Variants in TMEM51 observed in about 807,000 individuals in gnomAD.
TMEM51 encodes transmembrane protein 51.
TMEM51 carries 8 observed loss-of-function variants against 13.6 expected under a neutral mutation model. The ratio of observed to expected loss-of-function variants is 0.59; its 90% CI spans 0.35 to 1.07. The LOEUF is 1.07. Ranked by LOEUF, TMEM51 falls within the 50% of genes least tolerant of loss-of-function variation. The probability of loss-of-function intolerance (pLI) is 0.02; values close to 1 mark genes in which losing one functional copy is unlikely to be tolerated. For missense variants in TMEM51, 279 were observed against 330.7 expected, an observed-to-expected ratio of 0.84 and a Z score of 1.21; for synonymous variants, 147 against 144.4, an observed-to-expected ratio of 1.02 and a Z score of -0.13.
chr1:15,168,078 C>T (rs545579476), intron 1 of TMEM51, among the ~76,000 whole-genome samples: 156 of 152,320 alleles, frequency 1.0e-3, no homozygotes, highest in African/African-American at 3.4e-3. Context: ...TAGAAATTGT[C>T]TCTGCATATA....
chr1:15,159,472 T>C (rs1642698283), intron 1 of TMEM51, among the ~76,000 whole-genome samples: 1 of 152,240 alleles, frequency 6.6e-6, no homozygotes, highest in African/African-American at 2.4e-5. Flanking sequence ...CAATTTATAT[T>C]GCTGAGATGC....
intron 1 of TMEM51, among the ~76,000 whole-genome samples, chr1:15,189,948 G>T (rs979013268): frequency 6.6e-6 from 1 of 152,240 alleles, no homozygotes; most frequent in Non-Finnish European, 1.5e-5. Flanking sequence ...TCCAAGGCAG[G>T]TTGCTTAAGA....
rs192494861 is a variant in TMEM51 at position 15,167,400 on chromosome 1, T to C, written c.-267+13446T>C. Among the ~76,000 whole-genome samples the C allele has an allele frequency of 1.1e-3, 162 of 150,696 alleles. 1 individual carries two copies. The highest frequency in any genetic ancestry group is 2.1e-3 in the Non-Finnish European group (139 of 67,730). ...CCCATACTGCATTTATTCCATGGTATGAATGTGCAGGACGACAGTTTACTT... is the reference window on the plus strand; with the variant it reads ...CCCATACTGCATTTATTCCATGGTACGAATGTGCAGGACGACAGTTTACTT... On this transcript the variant is annotated intron_variant, in intron 1 of 3. Transcript: ENST00000376008.
intron 1 of TMEM51, among the ~76,000 whole-genome samples, chr1:15,158,938 T>A (rs1642676941): frequency 1.3e-5 from 2 of 152,202 alleles, no homozygotes; most frequent in African/African-American, 4.8e-5. Context: ...AGTAAAACTT[T>A]CAGTTATCTG....
intron 1 of TMEM51, chr1:15,168,809 T>A: frequency 1.6e-6 from 2 of 1,282,324 alleles, no homozygotes; most frequent in South Asian, 2.6e-5. Context: ...TTTAGGGGAA[T>A]TCCTGGGAGT....
At chr1:15,202,207 C>A (rs975959178) in intron 1 of TMEM51, among the ~76,000 whole-genome samples, 1 of 152,168 alleles carries the variant, frequency 6.6e-6, no homozygotes, top group African/African-American at 2.4e-5. Flanking sequence ...TCCCTCCAAC[C>A]TGGCCACACG....
At chr1:15,158,263 T>C (rs1447874265) in intron 1 of TMEM51, among the ~76,000 whole-genome samples, 1 of 152,174 alleles carries the variant, frequency 6.6e-6, no homozygotes, top group African/African-American at 2.4e-5. Flanking sequence ...GCAAAGACGT[T>C]TCCAATTCAC....
At chr1:15,208,483 T>C (rs1168164666) in intron 1 of TMEM51, among the ~76,000 whole-genome samples, 1 of 151,858 alleles carries the variant, frequency 6.6e-6, no homozygotes, top group African/African-American at 2.4e-5. Flanking sequence ...ATTAAAACAT[T>C]AGCTGGGTGT....
rs1196393191 is a variant in TMEM51 at position 15,220,001 on chromosome 1, C to A, written c.*258C>A. Reference sequence around the variant, plus strand: ...GTGGACCACATTCAAGGGTGTGGCACAGGCATCTTCCCATCCTTTTCACTC... The same window carrying A: ...GTGGACCACATTCAAGGGTGTGGCAAAGGCATCTTCCCATCCTTTTCACTC... On this transcript the variant is annotated 3_prime_UTR_variant, in exon 4 of 4. Coordinates refer to ENST00000376008, the MANE Select transcript of TMEM51 (RefSeq NM_001136218.2). The A allele has an allele frequency of 8.1e-6, 4 of 494,510 alleles. No homozygotes were observed. Among genetic ancestry groups the A allele is most frequent in the African/African-American group, 5.7e-5 (3 of 52,544 alleles). 30.6% of individuals were successfully genotyped at this position (494,510 alleles called of 1,614,324 possible). A position where few individuals can be genotyped will look rare whatever the true frequency, so the allele number is the denominator to read the frequency against.
chr1:15,179,443 G>A, intron 1 of TMEM51, among the ~76,000 whole-genome samples: 1 of 152,176 alleles, frequency 6.6e-6, no homozygotes, highest in Middle Eastern at 3.2e-3. Context: ...CACCATGGGT[G>A]AGCAAAGGAA....
chr1:15,205,990 A>C (rs1249534086), intron 1 of TMEM51, among the ~76,000 whole-genome samples: 1 of 152,170 alleles, frequency 6.6e-6, no homozygotes, highest in Admixed American at 6.5e-5. Context: ...TAATCCCAGC[A>C]CTTTGGGAGG....
At chr1:15,186,298 C>T (rs902684567) in intron 1 of TMEM51, among the ~76,000 whole-genome samples, 1 of 152,194 alleles carries the variant, frequency 6.6e-6, no homozygotes, top group African/African-American at 2.4e-5. Flanking sequence ...ATCAAAATGG[C>T]AGCAGTGTGC....
At chr1:15,203,685 A>T (rs114809485) in intron 1 of TMEM51, among the ~76,000 whole-genome samples, 1 of 152,080 alleles carries the variant, frequency 6.6e-6, no homozygotes, top group Non-Finnish European at 1.5e-5. Flanking sequence ...GATTGTTTCT[A>T]TGTCCTCAGT....
chr1:15,171,587 G>A (rs1643276913), intron 1 of TMEM51, among the ~76,000 whole-genome samples: 1 of 152,146 alleles, frequency 6.6e-6, no homozygotes, highest in Admixed American at 6.5e-5. Flanking sequence ...CGAATGTGCT[G>A]GAACCCACGG....
chr1:15,154,429 C>G (rs1460746569), intron 1 of TMEM51, among the ~76,000 whole-genome samples: 1 of 152,174 alleles, frequency 6.6e-6, no homozygotes, highest in East Asian at 1.9e-4. Flanking sequence ...GTGTGTGTGT[C>G]GCTCTACAAG....
chr1:15,155,182 A>G (rs1033057054), intron 1 of TMEM51, among the ~76,000 whole-genome samples: 1 of 152,130 alleles, frequency 6.6e-6, no homozygotes, highest in African/African-American at 2.4e-5. Context: ...AAAGAAAGAG[A>G]GAGGAGGCTA....
intron 1 of TMEM51, among the ~76,000 whole-genome samples, chr1:15,173,344 C>T (rs959738670): frequency 6.6e-5 from 10 of 151,572 alleles, no homozygotes; most frequent in South Asian, 6.3e-4. Context: ...CTCAGCCTTC[C>T]GAGTAGCTGG....
intron 1 of TMEM51, among the ~76,000 whole-genome samples, chr1:15,189,214 T>C (rs1203814006): frequency 4.6e-5 from 3 of 65,082 alleles, no homozygotes; most frequent in African/African-American, 2.4e-4. Flanking sequence ...TAATTTTTCC[T>C]TTTTTTTTTT....
intron 1 of TMEM51, among the ~76,000 whole-genome samples, chr1:15,185,873 C>G (rs1204993243): frequency 6.6e-6 from 1 of 152,232 alleles, no homozygotes; most frequent in Non-Finnish European, 1.5e-5. Context: ...TGTGGCCATC[C>G]TCCTATTATC....
Sources: allele counts gnomAD v4.1 joint callset (sites outside exome capture counted in the v4.1 genomes callset), GRCh38; gene constraint gnomAD v4.1.1; transcripts MANE v1.5; gene names NCBI Gene and HGNC (gene_info 2026-07-23, HGNC 2026-07-21).